NKAIN2: variants seen among roughly 807,000 people sequenced by gnomAD.
NKAIN2 encodes the protein sodium/potassium transporting ATPase interacting 2.
A neutral mutation model predicts 32.6 loss-of-function variants in NKAIN2; 14 were observed. The ratio of observed to expected loss-of-function variants is 0.43; its 90% CI spans 0.28 to 0.67. The LOEUF (loss-of-function observed/expected upper bound fraction) is 0.67. NKAIN2 is among the 30% of genes least tolerant of loss of function. NKAIN2 has a pLI of 0.17. For missense variants in NKAIN2, 198 were observed against 258.3 expected, an observed-to-expected ratio of 0.77 and a Z score of 1.60; for synonymous variants, 80 against 87.2, an observed-to-expected ratio of 0.92 and a Z score of 0.46.
At chr6:124,380,038 C>T (rs1056126127) in intron 3 of NKAIN2, among the ~76,000 whole-genome samples, 8 of 152,090 alleles carry the variant, frequency 5.3e-5, no homozygotes, top group East Asian at 3.9e-4. Flanking sequence ...CATATTTTCA[C>T]GCTATGCAGT....
intron 1 of NKAIN2, among the ~76,000 whole-genome samples, chr6:124,049,495 C>G (rs1782302715): frequency 3.3e-5 from 5 of 151,960 alleles, no homozygotes; most frequent in Admixed American, 3.3e-4. Flanking sequence ...ATCAAAGTAC[C>G]CATTTATCAC....
chr6:124,057,707 C>T (rs1188733339), intron 1 of NKAIN2, among the ~76,000 whole-genome samples: 1 of 151,560 alleles, frequency 6.6e-6, no homozygotes, highest in Non-Finnish European at 1.5e-5. Context: ...TTGTCAAATG[C>T]TTTAAAACCA....
chr6:123,864,486 G>T (rs908916229), intron 1 of NKAIN2, among the ~76,000 whole-genome samples: 11 of 152,316 alleles, frequency 7.2e-5, no homozygotes, highest in Non-Finnish European at 1.0e-4. Context: ...TAACATCCTT[G>T]TGTAGCAGAC....
intron 3 of NKAIN2, among the ~76,000 whole-genome samples, chr6:124,479,457 A>G (rs1218748321): frequency 1.3e-5 from 2 of 152,152 alleles, no homozygotes; most frequent in Non-Finnish European, 2.9e-5. Flanking sequence ...GATGGAATGA[A>G]TCATGTCACC....
Position 124,643,828 on chromosome 6 carries a change from AT to A in NKAIN2, c.274-14353del, listed in dbSNP as rs554427430. ...CCAGAAATCTAAGAAAATATTTCATATTTTTAAATTGCAACTCTCACACTCC... is the reference window on the plus strand; with the variant it reads ...CCAGAAATCTAAGAAAATATTTCATATTTTAAATTGCAACTCTCACACTCC... On this transcript the variant is annotated intron_variant, in intron 3 of 6. Transcript: ENST00000368417. Among the ~76,000 whole-genome samples, 274 of 152,316 alleles carry A rather than the reference AT, an allele frequency of 1.8e-3. 5 individuals carry two copies. Among genetic ancestry groups the A allele is most frequent in the African/African-American group, 6.2e-3 (258 of 41,576 alleles).
At chr6:123,951,081 T>G (rs1777304466) in intron 1 of NKAIN2, among the ~76,000 whole-genome samples, 1 of 152,074 alleles carries the variant, frequency 6.6e-6, no homozygotes, top group African/African-American at 2.4e-5. Context: ...CCAATGTTCC[T>G]CTTATTGATT....
intron 4 of NKAIN2, among the ~76,000 whole-genome samples, chr6:124,780,471 G>A (rs1779211309): frequency 6.6e-6 from 1 of 152,102 alleles, no homozygotes; most frequent in African/African-American, 2.4e-5. Flanking sequence ...GATAAATGTT[G>A]TTTGTTGGAC....
intron 3 of NKAIN2, among the ~76,000 whole-genome samples, chr6:124,448,687 C>G (rs1215497981): frequency 6.6e-6 from 1 of 152,066 alleles, no homozygotes; most frequent in Non-Finnish European, 1.5e-5. Flanking sequence ...GCATTATGAA[C>G]CATTTAGTCT....
intron 4 of NKAIN2, among the ~76,000 whole-genome samples, chr6:124,736,105 T>C (rs977332228): frequency 1.1e-4 from 16 of 151,892 alleles, no homozygotes; most frequent in African/African-American, 2.7e-4. Context: ...TGAAGGAAAC[T>C]AAAAATGCTA....
intron 2 of NKAIN2, among the ~76,000 whole-genome samples, chr6:124,303,624 C>T (rs917448267): frequency 6.6e-6 from 1 of 152,236 alleles, no homozygotes; most frequent in Non-Finnish European, 1.5e-5. Flanking sequence ...ATTGCTGGGA[C>T]TGGCATTAAT....
intron 1 of NKAIN2, among the ~76,000 whole-genome samples, chr6:123,873,794 A>G (rs569088097): frequency 2.0e-5 from 3 of 152,324 alleles, no homozygotes; most frequent in East Asian, 1.9e-4. Context: ...CGTTATGCCT[A>G]TAATTATCAA....
intron 4 of NKAIN2, among the ~76,000 whole-genome samples, chr6:124,752,789 TG>T (rs1211096772): frequency 1.3e-5 from 2 of 152,150 alleles, no homozygotes; most frequent in African/African-American, 4.8e-5. Flanking sequence ...AAATGAATTC[TG>T]CTTGTGAAAT....
At chr6:124,011,470 T>A (rs1780323322) in intron 1 of NKAIN2, among the ~76,000 whole-genome samples, 1 of 151,964 alleles carries the variant, frequency 6.6e-6, no homozygotes, top group African/African-American at 2.4e-5. Context: ...ATGCAGTACA[T>A]AGTCAACTTA....
chr6:123,974,640 T>C (rs1456801902), intron 1 of NKAIN2, among the ~76,000 whole-genome samples: 3 of 152,130 alleles, frequency 2.0e-5, no homozygotes, highest in Non-Finnish European at 2.9e-5. Context: ...GACCATTGAA[T>C]TGAAGAATGT....
intron 1 of NKAIN2, among the ~76,000 whole-genome samples, chr6:123,872,419 G>C (rs978173652): frequency 3.3e-5 from 5 of 152,224 alleles, no homozygotes; most frequent in Non-Finnish European, 7.3e-5. Flanking sequence ...TGCCCTGGGA[G>C]GGCATAAATT....
At chr6:123,983,848 A>G (rs1451348060) in intron 1 of NKAIN2, among the ~76,000 whole-genome samples, 1 of 152,024 alleles carries the variant, frequency 6.6e-6, no homozygotes, top group African/African-American at 2.4e-5. Flanking sequence ...TTCTATTTTT[A>G]TAAATTTGCT....
chr6:123,830,712 T>A (rs947491701), intron 1 of NKAIN2, among the ~76,000 whole-genome samples: 3 of 152,246 alleles, frequency 2.0e-5, no homozygotes, highest in Non-Finnish European at 4.4e-5. Context: ...CTTTTGTGAA[T>A]ATTGAATAAA....
intron 1 of NKAIN2, among the ~76,000 whole-genome samples, chr6:124,048,681 A>T (rs1333791126): frequency 6.6e-6 from 1 of 152,060 alleles, no homozygotes; most frequent in Non-Finnish European, 1.5e-5. Flanking sequence ...ATTCTTGGGG[A>T]TATTTCTGTG....
chr6:124,658,958 T>TAA (rs10685886), intron 4 of NKAIN2: 50,079 of 113,756 alleles, frequency 0.44, 8,841 homozygotes, highest in Admixed American at 0.54. Context: ...ACTGTAACAA[T>TAA]AAAAAAAAAA....
Sources: allele counts gnomAD v4.1 joint callset (sites outside exome capture counted in the v4.1 genomes callset), GRCh38; gene constraint gnomAD v4.1.1; transcripts MANE v1.5; gene names NCBI Gene and HGNC (gene_info 2026-07-23, HGNC 2026-07-21).